ESR1: variants seen among roughly 807,000 people sequenced by gnomAD.
ESR1 encodes the protein estrogen receptor.
In ESR1, 12 loss-of-function variants were observed where a neutral mutation model predicts 52.7. The ratio of observed to expected loss-of-function variants is 0.23; its 90% confidence interval spans 0.15 to 0.37. The LOEUF (loss-of-function observed/expected upper bound fraction) is 0.37, where lower values mean the gene tolerates loss of function less well. ESR1 is among the 10% of genes least tolerant of loss of function. The pLI is 1.00. For missense variants in ESR1, 584 were observed against 779.7 expected (o/e 0.75, Z 2.99); for synonymous variants, 305 against 316.8 (o/e 0.96, Z 0.39).
At position 151,807,726 on chromosome 6, in the gene ESR1, G is replaced by T. The variant is rs554938158; in HGVS notation, c.-187G>T. On this transcript the variant is annotated 5_prime_UTR_variant, in exon 1 of 8. Coordinates refer to ENST00000206249, the MANE Select transcript of ESR1 (RefSeq NM_000125.4). Reference sequence around the variant, plus strand: ...TCCTGGGACTGCACTTGCTCCCGTCGGGTCGCCCGGCTTCACCGGACCCGC... The same window carrying T: ...TCCTGGGACTGCACTTGCTCCCGTCTGGTCGCCCGGCTTCACCGGACCCGC... The T allele has an allele frequency of 1.5e-6, 1 of 661,304 alleles. No individual in the cohort carries two copies. Among genetic ancestry groups the T allele is most frequent in the Non-Finnish European group, 2.7e-6 (1 of 370,662 alleles). The allele number at this position is 661,304 out of a possible 1,614,324, so 41.0% of individuals were successfully genotyped here. A position where few individuals can be genotyped will look rare whatever the true frequency, so the allele number is the denominator to read the frequency against.
At chr6:151,771,374 C>A (rs1308303395) in intron 2 of ESR1, among the ~76,000 whole-genome samples, 1 of 152,168 alleles carries the variant, frequency 6.6e-6, no homozygotes, top group African/African-American at 2.4e-5. Context: ...TGGAAATACT[C>A]TTCAGTCTGC....
At chr6:151,702,094 C>T (rs548696665) in intron 2 of ESR1, 7 of 152,286 alleles carry the variant, frequency 4.6e-5, no homozygotes, top group Admixed American at 2.6e-4. Flanking sequence ...GTTTGGAGAA[C>T]GATTTTTCAT....
chr6:151,885,100 T>G (rs1191109540), intron 3 of ESR1, among the ~76,000 whole-genome samples: 2 of 152,170 alleles, frequency 1.3e-5, no homozygotes, highest in African/African-American at 4.8e-5. Context: ...AGAAGTATTT[T>G]TTTGCACTAA....
At chr6:151,911,306 C>T (rs1399953966) in intron 3 of ESR1, among the ~76,000 whole-genome samples, 4 of 152,164 alleles carry the variant, frequency 2.6e-5, no homozygotes, top group Non-Finnish European at 5.9e-5. Context: ...GTCGTGCTAA[C>T]CAATGTGATT....
At chr6:151,678,190 C>T (rs966805854) in intron 1 of ESR1, among the ~76,000 whole-genome samples, 1 of 152,024 alleles carries the variant, frequency 6.6e-6, no homozygotes, top group Non-Finnish European at 1.5e-5. Flanking sequence ...ACATTGATGC[C>T]GACTGGGCAC....
At chr6:151,791,115 CCACACT>C (rs1776109042) in intron 2 of ESR1, among the ~76,000 whole-genome samples, 1 of 152,142 alleles carries the variant, frequency 6.6e-6, no homozygotes. Context: ...TTAGGGGTCT[CCACACT>C]CATTCTATTC....
intron 4 of ESR1, among the ~76,000 whole-genome samples, chr6:152,010,136 C>T (rs9340965): frequency 0.012 from 1,850 of 152,170 alleles, 41 homozygotes; most frequent in African/African-American, 0.043. Flanking sequence ...CTGTCTCTAG[C>T]TTTGGTTTCC....
intron 3 of ESR1, among the ~76,000 whole-genome samples, chr6:151,936,564 T>C (rs545823258): frequency 2.6e-4 from 39 of 152,180 alleles, no homozygotes; most frequent in Non-Finnish European, 5.1e-4. Context: ...GTTAAACAGA[T>C]GACCAAAATA....
At chr6:152,034,372 A>T (rs569608209) in intron 5 of ESR1, among the ~76,000 whole-genome samples, 1 of 152,168 alleles carries the variant, frequency 6.6e-6, no homozygotes. Flanking sequence ...GTTCATACAT[A>T]CAAAGGATAC....
intron 1 of ESR1, among the ~76,000 whole-genome samples, chr6:151,681,531 A>G (rs778948303): frequency 6.6e-6 from 1 of 152,074 alleles, no homozygotes; most frequent in Non-Finnish European, 1.5e-5. Flanking sequence ...GGGACTGTGG[A>G]AACTGGAAGC....
Position 151,808,271 on chromosome 6 carries a change from T to C in ESR1, c.359T>C (p.Phe120Ser), listed in dbSNP as rs2128156979. 6.3e-7 allele frequency: 1 copy of C among 1,587,358 alleles called. No individual in the cohort carries two copies. Among genetic ancestry groups the C allele is most frequent in the Non-Finnish European group, 8.6e-7 (1 of 1,167,874 alleles). Reference protein sequence around the residue: ...LLHPPPQLSPFLQPHGQQVPY... With the variant: ...LLHPPPQLSPSLQPHGQQVPY... Reference sequence around the variant, plus strand: ...CACCCGCCGCCGCAGCTGTCGCCTTTCCTGCAGCCCCACGGCCAGCAGGTG... The same window carrying C: ...CACCCGCCGCCGCAGCTGTCGCCTTCCCTGCAGCCCCACGGCCAGCAGGTG... The change falls in exon 1 of 8, where the codon TTC becomes TCC. Residue 120 changes from phenylalanine to serine, a missense_variant. Physicochemically the swap from Phe to Ser is radical, Grantham distance 155. This residue lies in a region of ESR1 where 251 missense variants were observed against 246.1 expected (regional missense o/e 1.02). Coordinates refer to ENST00000206249, the MANE Select transcript of ESR1 (RefSeq NM_000125.4).
intron 1 of ESR1, among the ~76,000 whole-genome samples, chr6:151,684,681 A>C (rs1460539396): frequency 2.0e-5 from 3 of 152,210 alleles, no homozygotes; most frequent in African/African-American, 7.2e-5. Flanking sequence ...ATAACACAAT[A>C]ATATTTTATC....
intron 2 of ESR1, among the ~76,000 whole-genome samples, chr6:151,744,751 C>T (rs3020306): frequency 0.44 from 67,359 of 152,008 alleles, 16,535 homozygotes; most frequent in Non-Finnish European, 0.55. Context: ...CCTTTGGTTA[C>T]TTGTGCTTTA....
intron 4 of ESR1, among the ~76,000 whole-genome samples, chr6:151,975,565 C>T (rs756342628): frequency 6.6e-5 from 10 of 152,002 alleles, no homozygotes; most frequent in Admixed American, 1.3e-4. Flanking sequence ...GAAGCTCAGG[C>T]GGGATTTCTC....
At chr6:151,782,560 G>T (rs112489543) in intron 2 of ESR1, among the ~76,000 whole-genome samples, 331 of 152,084 alleles carry the variant, frequency 2.2e-3, no homozygotes, top group Non-Finnish European at 3.6e-3. Context: ...AATATTTAAA[G>T]GTATGGTATA....
chr6:151,827,844 G>A (rs950985122), intron 1 of ESR1, among the ~76,000 whole-genome samples: 3 of 152,172 alleles, frequency 2.0e-5, no homozygotes, highest in African/African-American at 7.2e-5. Context: ...AAGACTATAT[G>A]TATGCACTTC....
intron 1 of ESR1, among the ~76,000 whole-genome samples, chr6:151,670,348 T>A: frequency 6.6e-6 from 1 of 152,210 alleles, no homozygotes; most frequent in Non-Finnish European, 1.5e-5. Flanking sequence ...CATCTTTACA[T>A]GGCATTGATC....
chr6:152,114,878 T>G (rs912252667), intron 6 of ESR1, among the ~76,000 whole-genome samples: 168 of 104,048 alleles, frequency 1.6e-3, no homozygotes, highest in African/African-American at 4.2e-3. Context: ...GTGACAGAGC[T>G]AGACTCCGTC....
At chr6:151,842,125 A>G (rs1784384522) in intron 1 of ESR1, among the ~76,000 whole-genome samples, 1 of 152,158 alleles carries the variant, frequency 6.6e-6, no homozygotes, top group South Asian at 2.1e-4. Context: ...CAATGACGTA[A>G]AAATTTGAAT....
Sources: allele counts gnomAD v4.1 joint callset (sites outside exome capture counted in the v4.1 genomes callset), GRCh38; gene constraint gnomAD v4.1.1; regional missense constraint gnomAD v4.1.1; transcripts MANE v1.5; gene names NCBI Gene and HGNC (gene_info 2026-07-23, HGNC 2026-07-21).